The following DIAPH2 variants were observed in gnomAD, a reference collection of about 807,000 sequenced individuals.
The protein encoded by DIAPH2 is protein diaphanous homolog 2.
In DIAPH2, 35 loss-of-function variants were observed where a neutral mutation model predicts 92.7. The ratio of observed to expected loss-of-function variants is 0.38; its 90% CI spans 0.29 to 0.50. DIAPH2 has a LOEUF of 0.50. Ranked by LOEUF, DIAPH2 falls within the 20% of genes least tolerant of loss-of-function variation. DIAPH2 has a pLI of 0.94. For synonymous variants in DIAPH2, 301 were observed against 280.4 expected (o/e 1.07, Z -0.73); for missense variants, 701 against 819.5 (o/e 0.86, Z 1.77).
chrX:96,867,287 C>T (rs562805418), intron 4 of DIAPH2, among the ~76,000 whole-genome samples: 2 of 111,122 alleles, frequency 1.8e-5, no homozygotes, highest in East Asian at 2.8e-4. Context: ...GGCATGATCT[C>T]GGCTCACTGC....
chrX:97,209,802 C>G (rs1318325937), intron 22 of DIAPH2, among the ~76,000 whole-genome samples: 1 of 110,771 alleles, frequency 9.0e-6, no homozygotes, highest in Non-Finnish European at 1.9e-5. Context: ...GGAACTGATA[C>G]TCTATACTAA....
chrX:96,755,554 G>C (rs1042922278), intron 3 of DIAPH2, among the ~76,000 whole-genome samples: 2 of 110,895 alleles, frequency 1.8e-5, no homozygotes, highest in African/African-American at 6.6e-5. Flanking sequence ...TCGGGAGGCT[G>C]AGGGAGGAGA....
chrX:97,366,353 G>A (rs1442936844), intron 24 of DIAPH2, among the ~76,000 whole-genome samples: 1 of 111,631 alleles, frequency 9.0e-6, no homozygotes, highest in East Asian at 2.8e-4. Context: ...CATTGATTTA[G>A]CAAATATTTG....
intron 22 of DIAPH2, among the ~76,000 whole-genome samples, chrX:97,192,821 TATTTC>T (rs2067666064): frequency 9.1e-6 from 1 of 109,744 alleles, no homozygotes; most frequent in Non-Finnish European, 1.9e-5. Flanking sequence ...TTGATCTCCT[TATTTC>T]ATATTTGAGA....
chrX:97,096,984 T>A (rs1172907195), intron 19 of DIAPH2, among the ~76,000 whole-genome samples: 7 of 111,465 alleles, frequency 6.3e-5, no homozygotes, highest in Admixed American at 1.9e-4. Flanking sequence ...ACTCTGTATA[T>A]CAGTGTCAAG....
At chrX:97,394,063 A>T (rs998118028) in intron 25 of DIAPH2, among the ~76,000 whole-genome samples, 1 of 112,114 alleles carries the variant, frequency 8.9e-6, no homozygotes, top group Non-Finnish European at 1.9e-5. Context: ...ATTACATCTT[A>T]TAAGTGAATA....
chrX:96,720,046 C>T (rs777097718), intron 1 of DIAPH2, among the ~76,000 whole-genome samples: 91 of 111,463 alleles, frequency 8.2e-4, no homozygotes, highest in African/African-American at 2.8e-3. Flanking sequence ...CTCTTGGATT[C>T]GGGTCAAAAT....
At chrX:97,145,646 A>G (rs934355745) in intron 22 of DIAPH2, among the ~76,000 whole-genome samples, 1 of 110,406 alleles carries the variant, frequency 9.1e-6, no homozygotes, top group African/African-American at 3.3e-5. Context: ...TATTCAAAAG[A>G]CTGTTGCCAA....
At chrX:97,413,192 A>G (rs150801523) in intron 25 of DIAPH2, among the ~76,000 whole-genome samples, 1,378 of 111,623 alleles carry the variant, frequency 0.012, 21 homozygotes, top group African/African-American at 0.042. Flanking sequence ...CAGCACACCA[A>G]AAAGCTTATC....
chrX:96,845,432 T>C (rs2064964952), intron 4 of DIAPH2, among the ~76,000 whole-genome samples: 1 of 112,260 alleles, frequency 8.9e-6, no homozygotes, highest in Non-Finnish European at 1.9e-5. Context: ...TTGAAGAACA[T>C]CTATATCTTT....
intron 26 of DIAPH2, among the ~76,000 whole-genome samples, chrX:97,547,294 C>T (rs1011007281): frequency 1.8e-5 from 2 of 111,829 alleles, no homozygotes; most frequent in African/African-American, 6.5e-5. Context: ...ATCACTTGTC[C>T]AACTCAACCC....
intron 17 of DIAPH2, among the ~76,000 whole-genome samples, chrX:97,010,379 A>C (rs752726850): frequency 9.0e-6 from 1 of 111,457 alleles, no homozygotes; most frequent in Non-Finnish European, 1.9e-5. Context: ...GTGATTCAAA[A>C]TGGTCTTTCC....
intron 4 of DIAPH2, among the ~76,000 whole-genome samples, chrX:96,764,140 GAAATAATCAAACCTT>G (rs898758331): frequency 4.1e-4 from 46 of 111,239 alleles, no homozygotes; most frequent in Admixed American, 9.6e-4. Flanking sequence ...GATATGTGTT[GAAATAATCAAACCTT>G]AAATTATGCA....
intron 26 of DIAPH2, among the ~76,000 whole-genome samples, chrX:97,487,815 G>T (rs1271498255): frequency 1.8e-5 from 2 of 110,430 alleles, no homozygotes; most frequent in Non-Finnish European, 3.8e-5. Context: ...CATCCTAACT[G>T]GGGTGAGGTG....
intron 26 of DIAPH2, among the ~76,000 whole-genome samples, chrX:97,514,953 C>T: frequency 9.0e-6 from 1 of 110,796 alleles, no homozygotes; most frequent in East Asian, 2.9e-4. Context: ...GAGGTTACTG[C>T]TGTCTTTTTG....
At chrX:96,958,199 T>C in intron 16 of DIAPH2, 51 bp downstream of exon 16, 1 of 1,167,909 alleles carries the variant, frequency 8.6e-7, no homozygotes, top group East Asian at 3.0e-5. Context: ...TGTTGATCAT[T>C]GCTATGTGTA....
At chrX:97,472,125 A>G (rs1042742029) in intron 26 of DIAPH2, among the ~76,000 whole-genome samples, 1 of 112,436 alleles carries the variant, frequency 8.9e-6, no homozygotes, top group African/African-American at 3.2e-5. Context: ...TTTTTAAAAA[A>G]TGAGTGATAT....
intron 3 of DIAPH2, 137 bp from the exon 4 acceptor site, chrX:96,758,017 C>T: frequency 2.0e-6 from 1 of 495,451 alleles, no homozygotes; most frequent in Non-Finnish European, 3.1e-6. Context: ...GCGAAGTATC[C>T]CAAAAAAGGA....
chrX:97,318,388 C>T (rs1191276287), intron 23 of DIAPH2, among the ~76,000 whole-genome samples: 3 of 108,859 alleles, frequency 2.8e-5, no homozygotes, highest in Non-Finnish European at 3.8e-5. Context: ...CCACCAGCCT[C>T]GGCCTCTCAA....
Sources: gnomAD v4.1 joint callset for allele counts (sites outside exome capture counted in the v4.1 genomes callset) on GRCh38, gnomAD v4.1.1 for gene constraint, MANE v1.5 for transcripts, NCBI Gene and HGNC (gene_info 2026-07-23, HGNC 2026-07-21) for gene names.